Variants in RAB3B observed in about 807,000 individuals in gnomAD.
The protein encoded by RAB3B is ras-related protein Rab-3B.
RAB3B carries 11 observed loss-of-function variants against 20.5 expected under a neutral mutation model. The observed-to-expected ratio is 0.54, with a 90% confidence interval of 0.34 to 0.89. The LOEUF is 0.89. Ranked by LOEUF, RAB3B falls within the 40% of genes least tolerant of loss-of-function variation. RAB3B has a pLI of 0.02. For synonymous variants in RAB3B, 99 were observed against 106.3 expected, an observed-to-expected ratio of 0.93 and a Z score of 0.42; for missense variants, 225 against 280.9, an observed-to-expected ratio of 0.80 and a Z score of 1.42.
At chr1:51,970,252 T>TC (rs1261869968) in intron 2 of RAB3B, among the ~76,000 whole-genome samples, 3 of 152,066 alleles carry the variant, frequency 2.0e-5, no homozygotes, top group African/African-American at 7.2e-5. Context: ...ACTCTTCTAT[T>TC]CCCACAAGGT....
chr1:51,986,114 C>G (rs1341714108), intron 1 of RAB3B, among the ~76,000 whole-genome samples: 1 of 151,594 alleles, frequency 6.6e-6, no homozygotes, highest in African/African-American at 2.4e-5. Flanking sequence ...CAAAACCAGC[C>G]TGGGAAACAT....
intron 1 of RAB3B, among the ~76,000 whole-genome samples, chr1:51,984,332 T>A: frequency 8.8e-6 from 1 of 113,484 alleles, no homozygotes; most frequent in African/African-American, 3.4e-5. Flanking sequence ...TAAAAAAACA[T>A]CATTTCAGTT....
intron 2 of RAB3B, among the ~76,000 whole-genome samples, chr1:51,969,755 T>A (rs1684903494): frequency 6.6e-6 from 1 of 152,224 alleles, no homozygotes; most frequent in Non-Finnish European, 1.5e-5. Context: ...GAGTGTTTAC[T>A]CTGTGCCATG....
At chr1:51,961,344 G>A (rs553084475) in intron 2 of RAB3B, among the ~76,000 whole-genome samples, 2 of 152,272 alleles carry the variant, frequency 1.3e-5, no homozygotes, top group South Asian at 2.1e-4. Context: ...TAACACCTCC[G>A]TTTCTGAGAG....
At chr1:51,984,694 A>G (rs1032785101) in intron 1 of RAB3B, among the ~76,000 whole-genome samples, 1 of 152,210 alleles carries the variant, frequency 6.6e-6, no homozygotes, top group Non-Finnish European at 1.5e-5. Flanking sequence ...ACTGCAGTGA[A>G]CATTTCTTTA....
At chr1:51,970,977 C>T (rs1366714513) in intron 2 of RAB3B, among the ~76,000 whole-genome samples, 1 of 143,528 alleles carries the variant, frequency 7.0e-6, no homozygotes, top group Non-Finnish European at 1.5e-5. Flanking sequence ...TGCCACTGCA[C>T]TCCAGCCTGG....
intron 1 of RAB3B, among the ~76,000 whole-genome samples, chr1:51,989,096 T>TGCGC (rs201916237): frequency 2.7e-3 from 88 of 33,086 alleles, no homozygotes; most frequent in African/African-American, 5.6e-3. Context: ...CACCCACCTG[T>TGCGC]GCGCGCGCAC....
At chr1:51,985,327 T>C (rs1330728539) in intron 1 of RAB3B, among the ~76,000 whole-genome samples, 1 of 152,210 alleles carries the variant, frequency 6.6e-6, no homozygotes, top group Non-Finnish European at 1.5e-5. Context: ...TTATCCATCC[T>C]TACATCTGGT....
intron 2 of RAB3B, among the ~76,000 whole-genome samples, chr1:51,972,489 C>CTTTTTTTTTTTTT (rs1160625371): frequency 1.5e-5 from 2 of 130,868 alleles, no homozygotes; most frequent in Admixed American, 7.8e-5. Context: ...TTTCTTTTTT[C>CTTTTTTTTTTTTT]TTTTTTTTTT....
At chr1:51,962,260 C>T (rs1684793870) in intron 2 of RAB3B, among the ~76,000 whole-genome samples, 1 of 152,216 alleles carries the variant, frequency 6.6e-6, no homozygotes, top group East Asian at 1.9e-4. Flanking sequence ...ACAGTGCTGG[C>T]ATGAAAGCCC....
At chr1:51,944,704 G>A (rs1157877958) in intron 2 of RAB3B, among the ~76,000 whole-genome samples, 1 of 152,178 alleles carries the variant, frequency 6.6e-6, no homozygotes, top group East Asian at 1.9e-4. Context: ...CTGAAGATGT[G>A]ACTGAATTGT....
rs557390954 is a variant in RAB3B at position 51,962,322 on chromosome 1, T to C, written c.228+14568A>G. Among the ~76,000 whole-genome samples the C allele has an allele frequency of 4.6e-5, 7 of 152,340 alleles. No individual in the cohort carries two copies. In the South Asian group the frequency reaches 1.4e-3, roughly 32 times the overall value. On this transcript the variant is annotated intron_variant, in intron 2 of 4. Coordinates refer to ENST00000371655, the MANE Select transcript of RAB3B (RefSeq NM_002867.4). Reference sequence around the variant, plus strand: ...TGTGGGAGATAGTATTAGTCCCATTTACAGGTGAAGGTCTAAATGAAAGCT... The same window carrying C: ...TGTGGGAGATAGTATTAGTCCCATTCACAGGTGAAGGTCTAAATGAAAGCT...
At chr1:51,980,091 T>C (rs1571981062) in intron 1 of RAB3B, among the ~76,000 whole-genome samples, 3 of 151,786 alleles carry the variant, frequency 2.0e-5, no homozygotes, top group African/African-American at 7.3e-5. Flanking sequence ...ACTATGGCTG[T>C]TAACATTTTA....
At chr1:51,962,640 A>G (rs1168428480) in intron 2 of RAB3B, among the ~76,000 whole-genome samples, 2 of 152,170 alleles carry the variant, frequency 1.3e-5, no homozygotes, top group Admixed American at 6.5e-5. Flanking sequence ...TCAGTACATC[A>G]TCATCTTTTC....
Position 51,918,002 on chromosome 1 carries a change from AG to A in RAB3B, c.*1924del, listed in dbSNP as rs1245410878. 1 of 152,202 alleles carries A rather than the reference AG, an allele frequency of 6.6e-6. No individual in the cohort carries two copies. Among genetic ancestry groups the A allele is most frequent in the Admixed American group, 6.5e-5 (1 of 15,270 alleles). 9.4% of individuals were successfully genotyped at this position (152,202 alleles called of 1,614,324 possible). ...GGATTCAGGCCATGATAGAGAAGAAAGGTTTTCTGGAATCACTGCCAGTTCC... is the reference window on the plus strand; with the variant it reads ...GGATTCAGGCCATGATAGAGAAGAAAGTTTTCTGGAATCACTGCCAGTTCC... On this transcript the variant is annotated 3_prime_UTR_variant, in exon 5 of 5. Coordinates refer to ENST00000371655, the MANE Select transcript of RAB3B (RefSeq NM_002867.4).
rs1432960601 is a variant in RAB3B at position 51,915,178 on chromosome 1, GC to G, written c.*4748del. On this transcript the variant is annotated 3_prime_UTR_variant, in exon 5 of 5. Transcript: ENST00000371655. ...CTTTTCCAGGGCTGTTTCCTTGACT[GC>G]CAAATTGGGATAATAATATTTTAGA... 1 of 152,150 alleles carries G rather than the reference GC, an allele frequency of 6.6e-6. No homozygotes were observed. 9.4% of individuals were successfully genotyped at this position (152,150 alleles called of 1,614,324 possible).
chr1:51,909,262 C>CA lies in RAB3B; in HGVS notation c.*10664_*10665insT, dbSNP rs71041866. ...GAAAGGGCTCTGAGAGGGGTGTATTCGTTTCATTCTGAGACGAATACCATC... is the reference window on the plus strand; with the variant it reads ...GAAAGGGCTCTGAGAGGGGTGTATTCAGTTTCATTCTGAGACGAATACCATC... On this transcript the variant is annotated 3_prime_UTR_variant, in exon 5 of 5. Coordinates refer to ENST00000371655, the MANE Select transcript of RAB3B (RefSeq NM_002867.4). 19,358 of 152,086 alleles carry CA rather than the reference C, an allele frequency of 0.13. 1,704 individuals carry two copies. The highest frequency in any genetic ancestry group is 0.25 in the African/African-American group (10,378 of 41,412). 9.4% of individuals were successfully genotyped at this position (152,086 alleles called of 1,614,324 possible).
intron 3 of RAB3B, among the ~76,000 whole-genome samples, chr1:51,936,875 G>A (rs1173309562): frequency 1.3e-5 from 2 of 151,282 alleles, no homozygotes; most frequent in Non-Finnish European, 2.9e-5. Flanking sequence ...GTGCAGTGGT[G>A]TGATCTCAGC....
At chr1:51,955,626 C>T (rs1251776447) in intron 2 of RAB3B, among the ~76,000 whole-genome samples, 3 of 152,102 alleles carry the variant, frequency 2.0e-5, no homozygotes, top group Non-Finnish European at 4.4e-5. Context: ...TCTCAAACTC[C>T]CGACCTCAAG....
Sources: gnomAD v4.1 joint callset for allele counts (sites outside exome capture counted in the v4.1 genomes callset) on GRCh38, gnomAD v4.1.1 for gene constraint, MANE v1.5 for transcripts, NCBI Gene and HGNC (gene_info 2026-07-23, HGNC 2026-07-21) for gene names.